Variants in ZNF563 observed in about 807,000 individuals in gnomAD.
The protein encoded by ZNF563 is zinc finger protein 563.
In ZNF563, 39 loss-of-function variants were observed where a neutral mutation model predicts 48.5. The ratio of observed to expected loss-of-function variants is 0.80; its 90% confidence interval spans 0.62 to 1.05. The LOEUF is 1.05. ZNF563 is among the 50% of genes least tolerant of loss of function. The pLI is 0.00. For missense variants in ZNF563, 538 were observed against 597.0 expected, an observed-to-expected ratio of 0.90 and a Z score of 1.03; for synonymous variants, 168 against 187.9, an observed-to-expected ratio of 0.89 and a Z score of 0.87.
the ZNF563 span, among the ~76,000 whole-genome samples, chr19:12,344,230 A>G: frequency 6.6e-6 from 1 of 151,950 alleles, no homozygotes; most frequent in Non-Finnish European, 1.5e-5. Context: ...CTGTCTCTAC[A>G]AAAAATACAA....
At chr19:12,343,981 G>A in the ZNF563 span, among the ~76,000 whole-genome samples, 2 of 151,782 alleles carry the variant, frequency 1.3e-5, no homozygotes, top group Admixed American at 1.3e-4. Flanking sequence ...CGCCCGCCTC[G>A]GCCTCCCAAA....
upstream of ZNF563, among the ~76,000 whole-genome samples, chr19:12,338,457 C>A (rs1481720962): frequency 6.6e-6 from 1 of 152,090 alleles, no homozygotes. Context: ...CCATGTTGGC[C>A]AGGCTGGTCT....
chr19:12,331,930 GT>G (rs1968927280), intron 1 of ZNF563, among the ~76,000 whole-genome samples: 1 of 152,176 alleles, frequency 6.6e-6, no homozygotes, highest in South Asian at 2.1e-4. Flanking sequence ...TTTCTTGTTG[GT>G]TTTTACAGCA....
At chr19:12,340,105 T>G in the ZNF563 span, among the ~76,000 whole-genome samples, 1 of 152,084 alleles carries the variant, frequency 6.6e-6, no homozygotes, top group Non-Finnish European at 1.5e-5. Context: ...GAGGCCGACA[T>G]GGGCAGATAC....
At chr19:12,346,436 A>G in the ZNF563 span, 7 of 152,244 alleles carry the variant, frequency 4.6e-5, no homozygotes, top group Non-Finnish European at 8.8e-5. Context: ...AAAAAATACG[A>G]CAACCAGTAT....
At chr19:12,342,594 A>C in the ZNF563 span, among the ~76,000 whole-genome samples, 1 of 150,412 alleles carries the variant, frequency 6.6e-6, no homozygotes, top group South Asian at 2.1e-4. Context: ...GCAACATAGT[A>C]AGACTCTATC....
At chr19:12,336,758 T>C (rs1367542046), upstream of ZNF563, among the ~76,000 whole-genome samples, 2 of 152,172 alleles carry the variant, frequency 1.3e-5, no homozygotes, top group Non-Finnish European at 2.9e-5. Flanking sequence ...CCTTCATAGC[T>C]CAGGGTTGAC....
At chr19:12,344,100 T>C in the ZNF563 span, among the ~76,000 whole-genome samples, 2 of 151,982 alleles carry the variant, frequency 1.3e-5, no homozygotes, top group East Asian at 1.9e-4. Context: ...ATTATAAATA[T>C]GGAATTTGTT....
intron 1 of ZNF563, among the ~76,000 whole-genome samples, chr19:12,328,581 T>C (rs973897178): frequency 6.6e-6 from 1 of 152,064 alleles, no homozygotes; most frequent in South Asian, 2.1e-4. Context: ...AAGACCAGCC[T>C]GACCAACATG....
At chr19:12,344,665 A>T in the ZNF563 span, among the ~76,000 whole-genome samples, 1 of 152,210 alleles carries the variant, frequency 6.6e-6, no homozygotes, top group East Asian at 1.9e-4. Flanking sequence ...AGAAGACAGG[A>T]TGCCCACTTT....
intron 3 of ZNF563, 125 bp downstream of exon 3, chr19:12,321,147 A>T: frequency 1.5e-6 from 1 of 679,516 alleles, no homozygotes; most frequent in Admixed American, 3.3e-5. Flanking sequence ...CTAAAAAAAA[A>T]AGTTAATTTA....
At chr19:12,340,870 A>T in the ZNF563 span, among the ~76,000 whole-genome samples, 1,003 of 152,148 alleles carry the variant, frequency 6.6e-3, 9 homozygotes, top group African/African-American at 0.023. Flanking sequence ...GAAAAAACTG[A>T]GGTAGTTTTA....
In ZNF563 at chr19:12,322,669, C is replaced by T; in HGVS notation, c.46G>A (p.Glu16Lys). ...GATGGACCCAGCAAAGCCCATTCCTCCTGGGTGAAGTTCACAGCCACATCC... is the reference window on the plus strand; with the variant it reads ...GATGGACCCAGCAAAGCCCATTCCTTCTGGGTGAAGTTCACAGCCACATCC... ...FEDVAVNFTQ[E>K]EWALLGPSQK... Residue 16 changes from glutamate to lysine, a missense_variant, in exon 2 of 4, where the codon GAG (glutamate) becomes AAG (lysine). Physicochemically the swap from Glu to Lys is moderately conservative, Grantham distance 56. Coordinates refer to ENST00000293725, the MANE Select transcript of ZNF563 (RefSeq NM_145276.3). The T allele has an allele frequency of 1.9e-6, 3 of 1,609,746 alleles. No individual in the cohort carries two copies. The highest frequency in any genetic ancestry group is 2.5e-6 in the Non-Finnish European group (3 of 1,177,454).
chr19:12,319,692 G>A lies in ZNF563; in HGVS notation c.333C>T (p.Val111=). The A allele has an allele frequency of 6.2e-7, 1 of 1,614,084 alleles. No individual in the cohort carries two copies. ...TATTAAGGGATAAATGACCCATTAT[G>A]ACTTCTTCACACTCAGCGCTTTGAC... The part of the protein sequence containing the change: ...DPCQSAECEE[V]IMGHLSLNSH... Residue 111 remains valine, a synonymous_variant, in exon 4 of 4, where the codon GTC becomes GTT. Coordinates refer to ENST00000293725, the MANE Select transcript of ZNF563 (RefSeq NM_145276.3).
the ZNF563 span, among the ~76,000 whole-genome samples, chr19:12,345,783 G>A: frequency 6.6e-6 from 1 of 151,970 alleles, no homozygotes; most frequent in Non-Finnish European, 1.5e-5. Context: ...GTGGTGGTGG[G>A]TGCCTATAAT....
chr19:12,333,592 G>C lies in ZNF563; in HGVS notation c.-110C>G. On this transcript the variant is annotated 5_prime_UTR_variant, in exon 1 of 4. Coordinates refer to ENST00000293725, the MANE Select transcript of ZNF563 (RefSeq NM_145276.3). ...CGTTCCAGGGCGTCTCTCAGCGACT[G>C]AGGCTACACAGACGTTCCAGGGCGT... 6.7e-7 allele frequency: 1 copy of C among 1,492,230 alleles called. No homozygotes were observed. Among genetic ancestry groups the C allele is most frequent in the Non-Finnish European group, 9.1e-7 (1 of 1,093,620 alleles). 92.4% of individuals were successfully genotyped at this position (1,492,230 alleles called of 1,614,324 possible). A position where few individuals can be genotyped will look rare whatever the true frequency, so the allele number is the denominator to read the frequency against.
chr19:12,340,531 T>C, the ZNF563 span, among the ~76,000 whole-genome samples: 1 of 152,116 alleles, frequency 6.6e-6, no homozygotes, highest in Non-Finnish European at 1.5e-5. Context: ...CCCAGCACTT[T>C]GGGAGGACAA....
chr19:12,322,619 C>T lies in ZNF563; in HGVS notation c.96G>A (p.Val32=), dbSNP rs781642933. 3 of 1,608,026 alleles carry T rather than the reference C, an allele frequency of 1.9e-6. No homozygotes were observed. Among genetic ancestry groups the T allele is most frequent in the East Asian group, 2.2e-5 (1 of 44,564 alleles). ...GPSQKNLYRY[V]MQETIRNLDC... ...CCAGGTTCCTGATGGTTTCTTGCAT[C>T]ACATATCTGTATAAATTCTTCTGTG... The change falls in exon 2 of 4, where the codon GTG becomes GTA. Residue 32 remains valine, a synonymous_variant. Coordinates refer to ENST00000293725, the MANE Select transcript of ZNF563 (RefSeq NM_145276.3).
the ZNF563 span, among the ~76,000 whole-genome samples, chr19:12,341,538 A>C: frequency 6.6e-6 from 1 of 152,240 alleles, no homozygotes; most frequent in African/African-American, 2.4e-5. Context: ...TTCCATGCAA[A>C]TAGTAATCCA....
Sources: gnomAD v4.1 joint callset for allele counts (sites outside exome capture counted in the v4.1 genomes callset) on GRCh38, gnomAD v4.1.1 for gene constraint, MANE v1.5 for transcripts, NCBI Gene and HGNC (gene_info 2026-07-23, HGNC 2026-07-21) for gene names.